KCNAB1: variants seen among roughly 807,000 people sequenced by gnomAD.
The protein encoded by KCNAB1 is voltage-gated potassium channel subunit beta-1.
Under a neutral mutation model 64.6 loss-of-function variants are expected in KCNAB1, and 35 were observed. That is an observed-to-expected ratio of 0.54 (90% CI 0.41 to 0.72). KCNAB1 has a LOEUF of 0.72. Ranked by LOEUF, KCNAB1 falls within the 30% of genes least tolerant of loss-of-function variation. KCNAB1 has a pLI of 0.00. For synonymous variants in KCNAB1, 177 were observed against 183.8 expected (o/e 0.96, Z 0.30); for missense variants, 401 against 512.9 (o/e 0.78, Z 2.11).
chr3:156,449,631 T>C (rs1711844363), intron 2 of KCNAB1, among the ~76,000 whole-genome samples: 1 of 152,244 alleles, frequency 6.6e-6, no homozygotes, highest in Non-Finnish European at 1.5e-5. Context: ...GTTATTTCAT[T>C]TTCATAAAGT....
intron 1 of KCNAB1, among the ~76,000 whole-genome samples, chr3:156,346,378 A>G (rs984230166): frequency 6.6e-6 from 1 of 152,160 alleles, no homozygotes; most frequent in Admixed American, 6.5e-5. Context: ...TGTGTGAAGT[A>G]TTGATGAATA....
intron 1 of KCNAB1, among the ~76,000 whole-genome samples, chr3:156,152,818 A>G (rs1345277064): frequency 6.6e-6 from 1 of 152,264 alleles, no homozygotes; most frequent in Non-Finnish European, 1.5e-5. Flanking sequence ...AAACAGAGCT[A>G]TGATTACTTC....
At chr3:156,408,711 C>T (rs1391849987) in intron 1 of KCNAB1, among the ~76,000 whole-genome samples, 1 of 151,780 alleles carries the variant, frequency 6.6e-6, no homozygotes, top group Non-Finnish European at 1.5e-5. Flanking sequence ...ACCTGGGAGA[C>T]AGAGATTGCA....
intron 8 of KCNAB1, among the ~76,000 whole-genome samples, chr3:156,510,335 G>C (rs1459103964): frequency 6.6e-6 from 1 of 152,100 alleles, no homozygotes; most frequent in Admixed American, 6.5e-5. Flanking sequence ...GTCTTCCCAT[G>C]ATGGTTCTAC....
intron 7 of KCNAB1, among the ~76,000 whole-genome samples, chr3:156,469,638 A>G (rs563884396): frequency 2.3e-4 from 35 of 152,212 alleles, no homozygotes; most frequent in Middle Eastern, 3.2e-3. Flanking sequence ...CTGAAATTCA[A>G]GCTGACCCAG....
At chr3:156,523,705 G>A (rs1440685985) in intron 11 of KCNAB1, 122 bp from the exon 12 acceptor site, 12 of 894,584 alleles carry the variant, frequency 1.3e-5, no homozygotes, top group Non-Finnish European at 2.1e-5. Context: ...CTGTCAGTGT[G>A]AAACATAAGG....
chr3:156,216,466 T>G lies in KCNAB1; in HGVS notation c.275+95580T>G, dbSNP rs1334148263. ...AATGTTTTCTGAGTGCCTAAATGTT[T>G]TGTGAACAGTTCTAGGCACTGAAGA... On this transcript the variant is annotated intron_variant, in intron 1 of 13. Transcript: ENST00000490337. 1.4e-4 allele frequency among the ~76,000 whole-genome samples: 21 copies of G among 152,208 alleles called. 1 individual carries two copies. The East Asian group carries it at 4.0e-3, about 29-fold the overall frequency.
At chr3:156,435,492 T>C (rs560910912) in intron 2 of KCNAB1, among the ~76,000 whole-genome samples, 1 of 152,286 alleles carries the variant, frequency 6.6e-6, no homozygotes, top group South Asian at 2.1e-4. Flanking sequence ...AGCAGCCAGA[T>C]AGTCAGATTT....
chr3:156,472,310 G>A (rs1223660107), intron 7 of KCNAB1, among the ~76,000 whole-genome samples: 3 of 152,160 alleles, frequency 2.0e-5, no homozygotes, highest in Non-Finnish European at 2.9e-5. Flanking sequence ...GATGAGCTGC[G>A]GTGGCTGTGC....
rs958741596 is a variant in KCNAB1 at position 156,496,074 on chromosome 3, G to C, written c.659-18290G>C. On this transcript the variant is annotated intron_variant, in intron 8 of 13. Coordinates refer to ENST00000490337, the MANE Select transcript of KCNAB1 (RefSeq NM_172160.3). ...CTGAAGCACAAGGAAATGTGTTTGT[G>C]TGTGTAAGAGGTGGGTTTGGGAGGC... is the stretch of plus-strand genomic sequence containing the variant. 5.9e-5 allele frequency among the ~76,000 whole-genome samples: 9 copies of C among 152,276 alleles called. No individual in the cohort carries two copies. The South Asian group carries it at 1.9e-3, about 32-fold the overall frequency.
chr3:156,118,843 C>T (rs59897122), upstream of KCNAB1, among the ~76,000 whole-genome samples: 5,133 of 152,290 alleles, frequency 0.034, 134 homozygotes, highest in African/African-American at 0.07. Context: ...GTCTACACTT[C>T]GGGGAGTCTA....
chr3:156,424,875 G>A (rs1358673809), intron 2 of KCNAB1, among the ~76,000 whole-genome samples: 8 of 152,146 alleles, frequency 5.3e-5, no homozygotes, highest in African/African-American at 1.9e-4. Context: ...TTTTTCAAGA[G>A]CCTGAACACT....
At chr3:156,121,025 T>C (rs1713311862) in intron 1 of KCNAB1, 139 bp downstream of exon 1, 1 of 1,001,066 alleles carries the variant, frequency 1.0e-6, no homozygotes, top group African/African-American at 1.6e-5. Flanking sequence ...CTTCAGAATG[T>C]GTAACCACAA....
intron 1 of KCNAB1, among the ~76,000 whole-genome samples, chr3:156,370,828 G>A (rs980687725): frequency 3.9e-5 from 6 of 152,216 alleles, no homozygotes; most frequent in Admixed American, 6.5e-5. Context: ...GAGAGATTCC[G>A]TGGTGGCAGG....
At chr3:156,339,940 A>G (rs183960013) in intron 1 of KCNAB1, among the ~76,000 whole-genome samples, 134 of 152,362 alleles carry the variant, frequency 8.8e-4, no homozygotes, top group African/African-American at 3.0e-3. Flanking sequence ...CCTCTTGCCC[A>G]TGATGGTAGA....
Position 156,522,802 on chromosome 3 carries a change from C to T in KCNAB1, c.961-1025C>T, listed in dbSNP as rs140143948. On this transcript the variant is annotated intron_variant, in intron 11 of 13. Transcript: ENST00000490337. ...CCTGTTGCAGAGCATTCTGCGGTCT[C>T]TGGGAAGATAAAGATCTGCGATGGC... 2.6e-3 allele frequency among the ~76,000 whole-genome samples: 387 copies of T among 149,838 alleles called. 1 individual carries two copies. The highest frequency in any genetic ancestry group is 9.0e-3 in the African/African-American group (369 of 40,894).
intron 1 of KCNAB1, among the ~76,000 whole-genome samples, chr3:156,209,181 A>G (rs1281321488): frequency 1.3e-5 from 2 of 152,212 alleles, no homozygotes; most frequent in African/African-American, 2.4e-5. Context: ...GAGAAGACAC[A>G]GTTTGGCTTG....
At chr3:156,176,164 T>C (rs937744745) in intron 1 of KCNAB1, 2 of 772,320 alleles carry the variant, frequency 2.6e-6, no homozygotes, top group Admixed American at 1.7e-5. Flanking sequence ...GTCCATTGCA[T>C]TGGACAAGAG....
rs75493300 is a variant in KCNAB1 at position 156,414,157 on chromosome 3, T to C, written c.276-7459T>C. Among the ~76,000 whole-genome samples the C allele has an allele frequency of 5.7e-3, 869 of 152,324 alleles. 9 individuals carry two copies. The highest frequency in any genetic ancestry group is 0.02 in the African/African-American group (847 of 41,570). Reference sequence around the variant, plus strand: ...CCCACAGTAAATGGAATAAGAAAGATATAAGGCATAGAAGTCCTACCTCAG... The same window carrying C: ...CCCACAGTAAATGGAATAAGAAAGACATAAGGCATAGAAGTCCTACCTCAG... On this transcript the variant is annotated intron_variant, in intron 1 of 13. Transcript: ENST00000490337.
Sources: gnomAD v4.1 joint callset for allele counts (sites outside exome capture counted in the v4.1 genomes callset) on GRCh38, gnomAD v4.1.1 for gene constraint, MANE v1.5 for transcripts, NCBI Gene and HGNC (gene_info 2026-07-23, HGNC 2026-07-21) for gene names.